Variants in SCFD2 observed in about 807,000 individuals in gnomAD.
The protein encoded by SCFD2 is sec1 family domain containing 2, also known as sec1 family domain-containing protein 2.
A neutral mutation model predicts 58.9 loss-of-function variants in SCFD2; 54 were observed. The ratio of observed to expected loss-of-function variants is 0.92; its 90% CI spans 0.74 to 1.15. The LOEUF (loss-of-function observed/expected upper bound fraction) is 1.15, where lower values mean the gene tolerates loss of function less well. Ranked by LOEUF, SCFD2 falls within the 50% of genes most tolerant of loss-of-function variation. The pLI is 0.00. For synonymous variants in SCFD2, 321 were observed against 335.9 expected (o/e 0.96, Z 0.49); for missense variants, 805 against 836.6 (o/e 0.96, Z 0.47).
At chr4:53,257,713 A>C (rs776153419) in intron 4 of SCFD2, among the ~76,000 whole-genome samples, 13 of 152,200 alleles carry the variant, frequency 8.5e-5, no homozygotes, top group Non-Finnish European at 1.8e-4. Flanking sequence ...CTAATGTGTA[A>C]AGAGCACCCA....
chr4:53,329,209 G>A (rs1733332819), intron 2 of SCFD2, among the ~76,000 whole-genome samples: 1 of 152,212 alleles, frequency 6.6e-6, no homozygotes, highest in Non-Finnish European at 1.5e-5. Context: ...GGTAAACAAA[G>A]CAGCCTGGAA....
chr4:53,181,543 A>G (rs1360755824), intron 4 of SCFD2, among the ~76,000 whole-genome samples: 2 of 152,226 alleles, frequency 1.3e-5, no homozygotes, highest in East Asian at 3.8e-4. Flanking sequence ...ACCCACAGCC[A>G]ATATCATACT....
At chr4:53,290,286 G>A (rs1382184912) in intron 3 of SCFD2, among the ~76,000 whole-genome samples, 1 of 152,044 alleles carries the variant, frequency 6.6e-6, no homozygotes, top group Admixed American at 6.6e-5. Flanking sequence ...TCTAACCAAA[G>A]TGGTGAGAAA....
chr4:53,260,886 C>A (rs1488998276), intron 4 of SCFD2, among the ~76,000 whole-genome samples: 6 of 152,006 alleles, frequency 3.9e-5, no homozygotes, highest in African/African-American at 1.4e-4. Context: ...TTTTTTATTG[C>A]CATTTCAATC....
At chr4:53,348,333 T>C (rs191210375) in intron 2 of SCFD2, among the ~76,000 whole-genome samples, 28 of 152,380 alleles carry the variant, frequency 1.8e-4, no homozygotes, top group African/African-American at 4.8e-4. Flanking sequence ...CAAGCACTTA[T>C]TTGTTTTGCC....
rs976206766 is a variant in SCFD2 at position 52,987,036 on chromosome 4, T to A, written c.1562-66166A>T. On this transcript the variant is annotated intron_variant, in intron 5 of 8. Transcript: ENST00000401642. ...AACAGTAGTTTGAAAGGATTTTTTTTATTATTTTTTTGAGACGGAGTCTCG... is the reference window on the plus strand; with the variant it reads ...AACAGTAGTTTGAAAGGATTTTTTTAATTATTTTTTTGAGACGGAGTCTCG... Among the ~76,000 whole-genome samples the A allele has an allele frequency of 4.0e-4, 61 of 152,242 alleles. 1 individual carries two copies. Among genetic ancestry groups the A allele is most frequent in the South Asian group, 2.1e-4 (1 of 4,818 alleles).
chr4:52,934,034 T>A (rs1001630178), intron 5 of SCFD2, among the ~76,000 whole-genome samples: 1 of 152,188 alleles, frequency 6.6e-6, no homozygotes, highest in Non-Finnish European at 1.5e-5. Flanking sequence ...TTTCCAGTCT[T>A]CAGAACCATA....
chr4:52,933,109 G>A (rs570854602), intron 5 of SCFD2, among the ~76,000 whole-genome samples: 112 of 152,280 alleles, frequency 7.4e-4, no homozygotes, highest in African/African-American at 2.5e-3. Flanking sequence ...ACAGAAAGAT[G>A]TCTCCCTCTT....
rs539534935 is a variant in SCFD2, at chr4:53,256,293, C to T, written c.1311+17533G>A. On this transcript the variant is annotated intron_variant, in intron 4 of 8. Transcript: ENST00000401642. ...GCTCCTCACATCCCAGATGGGGCGG[C>T]GGGGCAGAGGCGCTCCCCACATCTC... Among the ~76,000 whole-genome samples, 526 of 134,316 alleles carry T rather than the reference C, an allele frequency of 3.9e-3. 6 individuals are homozygous for T. The highest frequency in any genetic ancestry group is 0.014 in the African/African-American group (512 of 35,482). The allele number at this position is 134,316 out of a possible 152,430, so 88.1% of individuals were successfully genotyped here. A position where few individuals can be genotyped will look rare whatever the true frequency, so the allele number is the denominator to read the frequency against.
chr4:53,049,855 T>G (rs1371171893), intron 5 of SCFD2, among the ~76,000 whole-genome samples: 5 of 152,172 alleles, frequency 3.3e-5, no homozygotes, highest in African/African-American at 1.2e-4. Flanking sequence ...TAGGTCATTT[T>G]GTTGATGTTT....
At chr4:53,009,215 G>A (rs1560508626) in intron 5 of SCFD2, among the ~76,000 whole-genome samples, 1 of 152,112 alleles carries the variant, frequency 6.6e-6, no homozygotes, top group African/African-American at 2.4e-5. Flanking sequence ...TGTTGGTAGC[G>A]CTTCCTCTGT....
chr4:53,262,010 T>C (rs868526878), intron 4 of SCFD2, among the ~76,000 whole-genome samples: 1 of 152,298 alleles, frequency 6.6e-6, no homozygotes, highest in Middle Eastern at 3.4e-3. Context: ...TTATATAAGG[T>C]CCCTCTTTTT....
At chr4:53,276,866 C>G (rs1192950889) in intron 3 of SCFD2, among the ~76,000 whole-genome samples, 2 of 152,208 alleles carry the variant, frequency 1.3e-5, no homozygotes, top group Non-Finnish European at 2.9e-5. Context: ...ATGATTCTAA[C>G]AGATGTGTAG....
At chr4:53,339,833 A>G (rs1202371463) in intron 2 of SCFD2, among the ~76,000 whole-genome samples, 4 of 152,232 alleles carry the variant, frequency 2.6e-5, no homozygotes, top group African/African-American at 9.6e-5. Context: ...AGTTCAAGTA[A>G]CTCACAGAAA....
intron 8 of SCFD2, among the ~76,000 whole-genome samples, chr4:52,875,179 A>G (rs540654114): frequency 6.6e-6 from 1 of 152,260 alleles, no homozygotes; most frequent in South Asian, 2.1e-4. Flanking sequence ...CCTGTCATCA[A>G]GGGCTCTGGG....
Position 53,190,977 on chromosome 4 carries a change from T to C in SCFD2, c.1312-45395A>G, listed in dbSNP as rs1001057069. Among the ~76,000 whole-genome samples the C allele has an allele frequency of 2.6e-5, 4 of 152,212 alleles. No individual in the cohort carries two copies. The East Asian group carries it at 5.8e-4, about 22-fold the overall frequency. On this transcript the variant is annotated intron_variant, in intron 4 of 8. Transcript: ENST00000401642. Reference sequence around the variant, plus strand: ...ATTATTTAAGAAATGAAATGTGTTATCACAAAAAACTACACCAATAACCAG... The same window carrying C: ...ATTATTTAAGAAATGAAATGTGTTACCACAAAAAACTACACCAATAACCAG...
intron 5 of SCFD2, among the ~76,000 whole-genome samples, chr4:52,968,119 C>T (rs1385229056): frequency 6.6e-6 from 1 of 151,982 alleles, no homozygotes; most frequent in African/African-American, 2.4e-5. Flanking sequence ...TGCCACCACC[C>T]TTGCAGGGGA....
chr4:53,155,631 C>T (rs1480132022), intron 4 of SCFD2, among the ~76,000 whole-genome samples: 2 of 152,106 alleles, frequency 1.3e-5, no homozygotes, highest in East Asian at 3.9e-4. Context: ...CCACCTGTAC[C>T]ACTAGGGATC....
chr4:53,272,210 G>A (rs901434229), intron 4 of SCFD2, among the ~76,000 whole-genome samples: 10 of 152,224 alleles, frequency 6.6e-5, no homozygotes, highest in Admixed American at 5.9e-4. Flanking sequence ...AACAACAGGT[G>A]CTGGAAAGGA....
Sources: allele counts gnomAD v4.1 joint callset (sites outside exome capture counted in the v4.1 genomes callset), GRCh38; gene constraint gnomAD v4.1.1; transcripts MANE v1.5; gene names NCBI Gene and HGNC (gene_info 2026-07-23, HGNC 2026-07-21).